Variants in SPHKAP observed in about 807,000 individuals in gnomAD.
SPHKAP encodes A-kinase anchor protein SPHKAP.
Under a neutral mutation model 137.5 loss-of-function variants are expected in SPHKAP, and 67 were observed. That is an observed-to-expected ratio of 0.49 (90% CI 0.40 to 0.60). SPHKAP has a LOEUF of 0.60. Ranked by LOEUF, SPHKAP falls within the 20% of genes least tolerant of loss-of-function variation. SPHKAP has a pLI of 0.00. For synonymous variants in SPHKAP, 813 were observed against 785.3 expected (o/e 1.04, Z -0.59); for missense variants, 2,097 against 2,069.3 (o/e 1.01, Z -0.26).
chr2:228,154,504 C>CTA lies in SPHKAP; in HGVS notation c.33-22420_33-22419insTA, dbSNP rs1559203866. On this transcript the variant is annotated intron_variant, in intron 1 of 11. Coordinates refer to ENST00000392056, the MANE Select transcript of SPHKAP (RefSeq NM_001142644.2). ...AAACTCTCTCTCTCTCTCTCTCTCT[C>CTA]TCTCTCTCTATATATATATATATAT... Among the ~76,000 whole-genome samples, 178 of 28,058 alleles carry CTA rather than the reference C, an allele frequency of 6.3e-3. 1 individual carries two copies. The highest frequency in any genetic ancestry group is 7.5e-3 in the African/African-American group (59 of 7,840). 18.4% of individuals were successfully genotyped at this position (28,058 alleles called of 152,430 possible). A position where few individuals can be genotyped will look rare whatever the true frequency, so the allele number is the denominator to read the frequency against.
chr2:228,060,155 T>C (rs535441810), intron 3 of SPHKAP, among the ~76,000 whole-genome samples: 5 of 152,134 alleles, frequency 3.3e-5, no homozygotes, highest in Non-Finnish European at 7.3e-5. Context: ...ACAGATTAAA[T>C]AGGATAGAAG....
At chr2:228,108,696 C>T (rs1698417414) in intron 3 of SPHKAP, 136 bp downstream of exon 3, 2 of 606,196 alleles carry the variant, frequency 3.3e-6, no homozygotes, top group Admixed American at 7.3e-5. Flanking sequence ...TCCATATAAA[C>T]CCGCTATGTA....
At chr2:228,126,451 T>C (rs536082848) in intron 2 of SPHKAP, among the ~76,000 whole-genome samples, 36 of 152,254 alleles carry the variant, frequency 2.4e-4, no homozygotes, top group Non-Finnish European at 4.0e-4. Context: ...GTAATAGTAG[T>C]AGCAAACATA....
chr2:228,103,053 C>G lies in SPHKAP; in HGVS notation c.246+5779G>C, dbSNP rs1413607368. On this transcript the variant is annotated intron_variant, in intron 3 of 11. Coordinates refer to ENST00000392056, the MANE Select transcript of SPHKAP (RefSeq NM_001142644.2). ...AGCCACCGCACCAGGCCCCACTCTT[C>G]AGTTTCATGTTTCACTTTTCTTGGT... Among the ~76,000 whole-genome samples, 4 of 152,126 alleles carry G rather than the reference C, an allele frequency of 2.6e-5. No individual in the cohort carries two copies. The South Asian group carries it at 8.3e-4, about 31-fold the overall frequency.
chr2:228,181,184 T>A lies in SPHKAP; in HGVS notation c.32+383A>T, dbSNP rs1700898207. 6.6e-6 allele frequency among the ~76,000 whole-genome samples: 1 copy of A among 152,138 alleles called. No homozygotes were observed. The highest frequency in any genetic ancestry group is 1.5e-5 in the Non-Finnish European group (1 of 68,016). ...ACTTTGCCCTAGCCCGGTTCCCTCC[T>A]GTTTTAGACCTTGGAATCTGTCTCT... On this transcript the variant is annotated intron_variant, in intron 1 of 11. Transcript: ENST00000392056. The surrounding 1 kb of genome is among the most constrained non-coding windows in gnomAD (Gnocchi z 4.3).
intron 1 of SPHKAP, among the ~76,000 whole-genome samples, chr2:228,176,335 G>C (rs1700740583): frequency 6.6e-6 from 1 of 152,184 alleles, no homozygotes; most frequent in Non-Finnish European, 1.5e-5. Context: ...CCTCTTTCAA[G>C]AGAGTAAGAC....
In SPHKAP at chr2:228,017,954, T is replaced by G; in HGVS notation, c.2900A>C (p.Glu967Ala). ...PWFCAWKRGS[E>A]FLMTPNVPCR... ...GGGTACGTTGGGTGTCATCAGAAAC[T>G]CACTCCCTCTTTTCCATGCACAAAA... The change falls in exon 7 of 12, where the codon GAG (glutamate) becomes GCG (alanine). Residue 967 changes from glutamate (E) to alanine (A), a missense_variant. By Grantham distance (107) the Glu-to-Ala change is moderately radical. Transcript: ENST00000392056. 1 of 1,614,112 alleles carries G rather than the reference T, an allele frequency of 6.2e-7. No individual in the cohort carries two copies. Among genetic ancestry groups the G allele is most frequent in the Non-Finnish European group, 8.5e-7 (1 of 1,180,020 alleles).
intron 2 of SPHKAP, 43 bp downstream of exon 2, chr2:228,131,937 C>G: frequency 6.3e-7 from 1 of 1,589,416 alleles, no homozygotes; most frequent in Non-Finnish European, 8.6e-7. Context: ...AATGAATATT[C>G]AAGTTCAACT....
intron 2 of SPHKAP, among the ~76,000 whole-genome samples, chr2:228,122,933 C>T (rs2106364926): frequency 6.6e-6 from 1 of 152,246 alleles, no homozygotes; most frequent in African/African-American, 2.4e-5. Flanking sequence ...CTCAGATGTA[C>T]CACCACTCAT....
intron 3 of SPHKAP, among the ~76,000 whole-genome samples, chr2:228,087,815 C>T (rs1697584825): frequency 6.6e-6 from 1 of 151,670 alleles, no homozygotes; most frequent in African/African-American, 2.4e-5. Context: ...TTAAGTTCAC[C>T]AACTACATAC....
At chr2:228,093,885 A>C (rs910244148) in intron 3 of SPHKAP, among the ~76,000 whole-genome samples, 28 of 141,742 alleles carry the variant, frequency 2.0e-4, no homozygotes, top group African/African-American at 5.6e-4. Flanking sequence ...AAAAAAAAAA[A>C]ACAAAGCTAT....
At chr2:228,133,533 C>T (rs1215148767) in intron 1 of SPHKAP, among the ~76,000 whole-genome samples, 1 of 152,020 alleles carries the variant, frequency 6.6e-6, no homozygotes, top group Non-Finnish European at 1.5e-5. Context: ...GTACTGATAG[C>T]TTAGGTCTAT....
intron 2 of SPHKAP, among the ~76,000 whole-genome samples, chr2:228,130,161 T>C (rs1396666391): frequency 6.6e-6 from 1 of 152,120 alleles, no homozygotes; most frequent in Non-Finnish European, 1.5e-5. Context: ...AGCTTCTAGA[T>C]GGTATTTTGT....
intron 3 of SPHKAP, chr2:228,028,138 C>T: frequency 1.2e-6 from 1 of 808,236 alleles, no homozygotes; most frequent in Non-Finnish European, 1.5e-6. Flanking sequence ...ACAGTTACAA[C>T]AAAATCTTCA....
intron 6 of SPHKAP, 28 bp from the exon 7 acceptor site, chr2:228,020,184 T>G (rs763716852): frequency 6.5e-7 from 1 of 1,547,776 alleles, no homozygotes; most frequent in African/African-American, 1.4e-5. Context: ...AGGGGCACTA[T>G]TACTTTTTGG....
At chr2:228,138,758 G>A (rs1699507879) in intron 1 of SPHKAP, among the ~76,000 whole-genome samples, 2 of 152,076 alleles carry the variant, frequency 1.3e-5, no homozygotes, top group Non-Finnish European at 2.9e-5. Context: ...ATGTTATAAA[G>A]GGCCCAGCAT....
At chr2:228,138,679 G>A (rs1699506414) in intron 1 of SPHKAP, among the ~76,000 whole-genome samples, 1 of 152,108 alleles carries the variant, frequency 6.6e-6, no homozygotes, top group Admixed American at 6.5e-5. Context: ...TGGCTCCATA[G>A]CTGTAAAATA....
intron 3 of SPHKAP, among the ~76,000 whole-genome samples, chr2:228,077,350 C>T (rs1383193864): frequency 3.3e-5 from 5 of 152,156 alleles, no homozygotes; most frequent in South Asian, 2.1e-4. Context: ...CTGGAAAAGC[C>T]GCAGACACTC....
intron 1 of SPHKAP, among the ~76,000 whole-genome samples, chr2:228,158,254 T>C (rs1014754761): frequency 6.6e-6 from 1 of 152,114 alleles, no homozygotes; most frequent in Admixed American, 6.5e-5. Context: ...TTTGCTCTTT[T>C]TAAGACCAGA....
Sources: gnomAD v4.1 joint callset for allele counts (sites outside exome capture counted in the v4.1 genomes callset) on GRCh38, gnomAD v4.1.1 for gene constraint, Gnocchi (gnomAD v3.1) non-coding constraint, MANE v1.5 for transcripts, NCBI Gene and HGNC (gene_info 2026-07-23, HGNC 2026-07-21) for gene names.